The following NBPF11 variants were observed in gnomAD, a reference collection of about 807,000 sequenced individuals.
The protein encoded by NBPF11 is NBPF member 11.
NBPF11 carries 72 observed loss-of-function variants against 93.9 expected under a neutral mutation model. The observed-to-expected ratio is 0.77, with a 90% CI of 0.63 to 0.93. The LOEUF (loss-of-function observed/expected upper bound fraction) is 0.93, where lower values mean the gene tolerates loss of function less well. NBPF11 is among the 40% of genes least tolerant of loss of function. The probability of loss-of-function intolerance (pLI) is 0.00; values close to 1 mark genes in which losing one functional copy is unlikely to be tolerated. For synonymous variants in NBPF11, 224 were observed against 304.9 expected (o/e 0.73, Z 2.76); for missense variants, 705 against 802.2 (o/e 0.88, Z 1.46).
chr1:148,132,222 C>A (rs1183930039), intron 4 of NBPF11, among the ~76,000 whole-genome samples: 1 of 144,552 alleles, frequency 6.9e-6, no homozygotes, highest in African/African-American at 2.6e-5. Context: ...TATACACACA[C>A]ACACACACAC....
intron 21 of NBPF11, among the ~76,000 whole-genome samples, chr1:148,105,737 CACACACACAA>C (rs1450549482): frequency 9.9e-6 from 1 of 100,830 alleles, no homozygotes; most frequent in East Asian, 3.1e-4. Context: ...CACACACACA[CACACACACAA>C]ACACACACAC....
chr1:148,114,349 G>A (rs1665980598), intron 15 of NBPF11, 88 bp downstream of exon 15: 8 of 594,432 alleles, frequency 1.3e-5, no homozygotes, highest in South Asian at 1.2e-4. Flanking sequence ...GGAAGAAATA[G>A]TTCTATTCAT....
chr1:148,148,125 C>T lies in NBPF11; in HGVS notation c.-549+3625G>A, dbSNP rs1294328412. ...GCTGCCAGGGAGCAGGCCGGGGAGGCCGAGGCAGAGCTGGGGCCACAGGCA... is the reference window on the plus strand; with the variant it reads ...GCTGCCAGGGAGCAGGCCGGGGAGGTCGAGGCAGAGCTGGGGCCACAGGCA... On this transcript the variant is annotated intron_variant, in intron 1 of 23. Transcript: ENST00000682118. Among the ~76,000 whole-genome samples, 912 of 152,256 alleles carry T rather than the reference C, an allele frequency of 6.0e-3. 6 individuals carry two copies. The highest frequency in any genetic ancestry group is 0.021 in the African/African-American group (881 of 41,480).
At chr1:148,111,798 G>A (rs1665347056) in intron 15 of NBPF11, among the ~76,000 whole-genome samples, 1 of 151,510 alleles carries the variant, frequency 6.6e-6, no homozygotes, top group African/African-American at 2.4e-5. Flanking sequence ...AAAGTGACGG[G>A]GAGAATGGAA....
intron 23 of NBPF11, 80 bp from the exon 24 acceptor site, chr1:148,103,992 T>C (rs1175248582): frequency 6.2e-7 from 1 of 1,608,058 alleles, no homozygotes; most frequent in Non-Finnish European, 8.5e-7. Flanking sequence ...AGAAGTAACA[T>C]AAGGAAGTGG....
intron 1 of NBPF11, among the ~76,000 whole-genome samples, chr1:148,146,186 G>GTGGT (rs1672992448): frequency 6.6e-6 from 1 of 151,682 alleles, no homozygotes; most frequent in African/African-American, 2.4e-5. Context: ...ATGGAGACCT[G>GTGGT]TGGTTGCGAG....
At chr1:148,124,535 A>T (rs1668631993) in intron 6 of NBPF11, among the ~76,000 whole-genome samples, 1 of 151,340 alleles carries the variant, frequency 6.6e-6, no homozygotes. Flanking sequence ...TGAAAGAATG[A>T]GAAGACGCAG....
At chr1:148,131,273 G>A (rs1159292353) in intron 4 of NBPF11, among the ~76,000 whole-genome samples, 17 of 150,732 alleles carry the variant, frequency 1.1e-4, no homozygotes, top group South Asian at 2.1e-4. Flanking sequence ...ACGAAATAAC[G>A]AAGGCATTCT....
chr1:148,133,005 T>C (rs1218494543), intron 4 of NBPF11, among the ~76,000 whole-genome samples: 5 of 147,988 alleles, frequency 3.4e-5, no homozygotes, highest in Non-Finnish European at 5.9e-5. Flanking sequence ...CCACCTCGGC[T>C]TCCCAAAGTG....
Position 148,146,429 on chromosome 1 carries a change from T to G in NBPF11, c.-548-2743A>C, listed in dbSNP as rs1356989413. 8.7e-5 allele frequency: 140 copies of G among 1,603,940 alleles called. 2 individuals carry two copies. The African/African-American group carries it at 1.8e-3, about 21-fold the overall frequency. On this transcript the variant is annotated intron_variant, in intron 1 of 23. Coordinates refer to ENST00000682118, the MANE Select transcript of NBPF11 (RefSeq NM_001385469.3). ...CTGTCGCTGAGTGAGCTCTGCTGCC[T>G]CTTCTGCTGCCCTCCCTGCCCCGGC...
intron 1 of NBPF11, among the ~76,000 whole-genome samples, chr1:148,145,269 T>C (rs1346262117): frequency 0.03 from 4,143 of 138,314 alleles, 99 homozygotes; most frequent in Non-Finnish European, 0.046. Flanking sequence ...TGGAGTACAG[T>C]AGTGTAATCT....
Position 148,102,207 on chromosome 1 carries a change from A to G in NBPF11, c.*1689T>C, listed in dbSNP as rs1346549320. Reference sequence around the variant, plus strand: ...AAAATTAACTTTGGACAAAAATTAAAACTCAGGCAAAGAATGTTTTCTTCT... The same window carrying G: ...AAAATTAACTTTGGACAAAAATTAAGACTCAGGCAAAGAATGTTTTCTTCT... On this transcript the variant is annotated 3_prime_UTR_variant, in exon 24 of 24. Coordinates refer to ENST00000682118, the MANE Select transcript of NBPF11 (RefSeq NM_001385469.3). The G allele has an allele frequency of 2.6e-5, 4 of 151,906 alleles. No homozygotes were observed. The highest frequency in any genetic ancestry group is 9.7e-5 in the African/African-American group (4 of 41,144). The allele number at this position is 151,906 out of a possible 1,614,324, so 9.4% of individuals were successfully genotyped here.
At chr1:148,147,555 G>A (rs1315541204) in intron 1 of NBPF11, among the ~76,000 whole-genome samples, 9 of 152,128 alleles carry the variant, frequency 5.9e-5, no homozygotes, top group African/African-American at 2.2e-4. Flanking sequence ...GAGGAGACCC[G>A]GCTGGGCCTC....
intron 4 of NBPF11, among the ~76,000 whole-genome samples, chr1:148,129,054 G>A (rs1263491373): frequency 4.7e-5 from 7 of 147,492 alleles, no homozygotes; most frequent in African/African-American, 7.7e-5. Flanking sequence ...TGTAAATGAC[G>A]AGTTAATGGG....
chr1:148,105,841 G>T (rs1278355442), intron 21 of NBPF11, among the ~76,000 whole-genome samples: 8 of 138,666 alleles, frequency 5.8e-5, no homozygotes, highest in Non-Finnish European at 1.5e-5. Flanking sequence ...GGAGTAACAG[G>T]ACACTCTGAG....
At chr1:148,147,429 C>G (rs1468638539) in intron 1 of NBPF11, among the ~76,000 whole-genome samples, 26 of 152,062 alleles carry the variant, frequency 1.7e-4, no homozygotes, top group African/African-American at 5.8e-4. Flanking sequence ...CATCCGAGGT[C>G]TGGGCCAGCC....
rs1162298967 is a variant in NBPF11, at chr1:148,149,521, C to A, written c.-549+2229G>T. On this transcript the variant is annotated intron_variant, in intron 1 of 23. Coordinates refer to ENST00000682118, the MANE Select transcript of NBPF11 (RefSeq NM_001385469.3). Reference sequence around the variant, plus strand: ...AGCTCTACAGCCAGTACCTGGAGCGCCTGCGTCGCTTCATCTCCCAGGAGC... The same window carrying A: ...AGCTCTACAGCCAGTACCTGGAGCGACTGCGTCGCTTCATCTCCCAGGAGC... 4.1e-5 allele frequency: 66 copies of A among 1,593,804 alleles called. 1 individual carries two copies. In the African/African-American group the frequency reaches 7.7e-4, roughly 19 times the overall value.
At chr1:148,120,739 G>A in intron 9 of NBPF11, 29 bp from the exon 10 acceptor site, 2 of 1,441,762 alleles carry the variant, frequency 1.4e-6, no homozygotes, top group Non-Finnish European at 2.0e-6. Context: ...AACATATGAT[G>A]GGTTAAAAAC....
intron 1 of NBPF11, chr1:148,149,365 G>A (rs1341010561): frequency 1.6e-5 from 26 of 1,596,704 alleles, no homozygotes; most frequent in Middle Eastern, 2.2e-4. Context: ...CCAAGATCAC[G>A]TCTCCCGTGC....
Sources: allele counts gnomAD v4.1 joint callset (sites outside exome capture counted in the v4.1 genomes callset), GRCh38; gene constraint gnomAD v4.1.1; transcripts MANE v1.5; gene names NCBI Gene and HGNC (gene_info 2026-07-23, HGNC 2026-07-21).